Variants in PAK1 observed in about 807,000 individuals in gnomAD.
PAK1 encodes the protein p21 (RAC1) activated kinase 1.
In PAK1, 29 loss-of-function variants were observed where a neutral mutation model predicts 67.4. The ratio of observed to expected loss-of-function variants is 0.43; its 90% CI spans 0.32 to 0.59. The LOEUF (loss-of-function observed/expected upper bound fraction) is 0.59, where lower values mean the gene tolerates loss of function less well. Among genes scored for constraint, PAK1 ranks in the 20% least tolerant of loss-of-function variants. The pLI, the probability that PAK1 is intolerant of heterozygous loss-of-function variation, is 0.07. For missense variants in PAK1, 337 were observed against 670.7 expected (o/e 0.50, Z 5.50); for synonymous variants, 223 against 237.4 (o/e 0.94, Z 0.56).
intron 2 of PAK1, among the ~76,000 whole-genome samples, chr11:77,383,734 C>T (rs1950130764): frequency 6.6e-6 from 1 of 152,116 alleles, no homozygotes; most frequent in African/African-American, 2.4e-5. Flanking sequence ...CATACAGTCC[C>T]AGAGCCACCT....
chr11:77,323,319 A>G lies in PAK1; in HGVS notation c.1593T>C (p.Thr531=). The stretch of plus-strand genomic sequence containing the variant: ...CCTCCTTAGCTGCAGCAATCAGTGG[A>G]GTGAGGCTGGAGAGGGGCTTGGCAA... ...LKIAKPLSSL[T]PLIAAAKEAT... Residue 531 remains threonine, a synonymous_variant, in exon 15 of 15, where the codon ACT becomes ACC. Coordinates refer to ENST00000356341, the MANE Select transcript of PAK1 (RefSeq NM_002576.5). 1 of 1,613,932 alleles carries G rather than the reference A, an allele frequency of 6.2e-7. No homozygotes were observed. Among genetic ancestry groups the G allele is most frequent in the Non-Finnish European group, 8.5e-7 (1 of 1,179,856 alleles).
At chr11:77,323,424 CAAGACATA>C in intron 14 of PAK1, 64 bp from the exon 15 acceptor site, 1 of 1,106,756 alleles carries the variant, frequency 9.0e-7, no homozygotes, top group Non-Finnish European at 1.4e-6. Flanking sequence ...GTAACCATTA[CAAGACATA>C]AAGGCATCTT....
At chr11:77,395,452 A>G (rs187513587) in intron 1 of PAK1, among the ~76,000 whole-genome samples, 238 of 152,338 alleles carry the variant, frequency 1.6e-3, no homozygotes, top group African/African-American at 5.5e-3. Context: ...AGTTTAGTAC[A>G]GATAAAATTC....
chr11:77,493,275 G>GT, the PAK1 span, among the ~76,000 whole-genome samples: 437 of 127,998 alleles, frequency 3.4e-3, 13 homozygotes, highest in Middle Eastern at 0.012. Context: ...TTTTTTTGTT[G>GT]TTTTTTTTTT....
intron 1 of PAK1, among the ~76,000 whole-genome samples, chr11:77,472,593 T>G (rs937285516): frequency 4.6e-5 from 7 of 152,148 alleles, no homozygotes; most frequent in Non-Finnish European, 8.8e-5. Flanking sequence ...ACACAAGAAG[T>G]AGATGAAGCC....
the PAK1 span, among the ~76,000 whole-genome samples, chr11:77,520,145 C>A: frequency 6.6e-6 from 1 of 152,204 alleles, no homozygotes; most frequent in African/African-American, 2.4e-5. Flanking sequence ...TCTCCAGGAA[C>A]CCCTTTTTAT....
the PAK1 span, among the ~76,000 whole-genome samples, chr11:77,523,989 G>T: frequency 6.6e-6 from 1 of 152,056 alleles, no homozygotes; most frequent in African/African-American, 2.4e-5. Context: ...CAGAGAGAAA[G>T]GTTCTTTTAC....
chr11:77,470,175 T>C (rs1242785460), intron 1 of PAK1, among the ~76,000 whole-genome samples: 1 of 152,184 alleles, frequency 6.6e-6, no homozygotes, highest in African/African-American at 2.4e-5. Flanking sequence ...ATGTCTCAAA[T>C]TGGCAACTGC....
At chr11:77,464,670 C>CT (rs1957511883) in intron 1 of PAK1, among the ~76,000 whole-genome samples, 1 of 152,174 alleles carries the variant, frequency 6.6e-6, no homozygotes. Flanking sequence ...CACTGAAATA[C>CT]TTTAAGTCAA....
At chr11:77,501,012 G>T in the PAK1 span, among the ~76,000 whole-genome samples, 1 of 151,840 alleles carries the variant, frequency 6.6e-6, no homozygotes, top group South Asian at 2.1e-4. Flanking sequence ...TTAGCCGGGC[G>T]TGGTGGCAGG....
chr11:77,512,637 T>G, the PAK1 span, among the ~76,000 whole-genome samples: 1 of 152,302 alleles, frequency 6.6e-6, no homozygotes, highest in African/African-American at 2.4e-5. Context: ...CAACTTCTAG[T>G]TCATAGACGA....
At chr11:77,406,868 G>A (rs867477462) in intron 1 of PAK1, among the ~76,000 whole-genome samples, 1 of 152,142 alleles carries the variant, frequency 6.6e-6, no homozygotes, top group Non-Finnish European at 1.5e-5. Context: ...AGACTAATGG[G>A]AAAGGCAGAT....
At chr11:77,481,546 G>A in the PAK1 span, among the ~76,000 whole-genome samples, 3 of 151,892 alleles carry the variant, frequency 2.0e-5, no homozygotes, top group Non-Finnish European at 4.4e-5. Context: ...GTGGTAGCAT[G>A]TGCCTGTAGT....
chr11:77,377,168 A>C (rs1318884183), intron 4 of PAK1, among the ~76,000 whole-genome samples: 1 of 151,856 alleles, frequency 6.6e-6, no homozygotes, highest in Non-Finnish European at 1.5e-5. Context: ...CCAGTTACTC[A>C]GGAGGCTGAG....
At chr11:77,406,715 T>G (rs574997384) in intron 1 of PAK1, among the ~76,000 whole-genome samples, 1 of 152,166 alleles carries the variant, frequency 6.6e-6, no homozygotes, top group Non-Finnish European at 1.5e-5. Context: ...AGGTCAAGAC[T>G]GCAGTGAGTG....
At chr11:77,374,138 A>G (rs1948792900) in intron 5 of PAK1, among the ~76,000 whole-genome samples, 190 bp downstream of exon 5, 1 of 152,226 alleles carries the variant, frequency 6.6e-6, no homozygotes, top group Non-Finnish European at 1.5e-5. Flanking sequence ...TTTCTAGGAC[A>G]TTAAAGCTGA....
intron 1 of PAK1, among the ~76,000 whole-genome samples, chr11:77,428,390 C>T (rs956213347): frequency 3.3e-5 from 5 of 151,750 alleles, no homozygotes; most frequent in African/African-American, 7.3e-5. Context: ...GGTGAAACCC[C>T]GTTGCTACTA....
the PAK1 span, among the ~76,000 whole-genome samples, chr11:77,527,120 C>T: frequency 3.3e-5 from 5 of 152,046 alleles, no homozygotes; most frequent in Admixed American, 6.6e-5. Context: ...TTTATTCTTT[C>T]GAGACGGGTT....
chr11:77,474,850 C>T (rs1258777352), upstream of PAK1: 1 of 152,112 alleles, frequency 6.6e-6, no homozygotes, highest in African/African-American at 2.4e-5. Context: ...TTTCCCAATA[C>T]CTCCCGAGCA....
Sources: gnomAD v4.1 joint callset for allele counts (sites outside exome capture counted in the v4.1 genomes callset) on GRCh38, gnomAD v4.1.1 for gene constraint, MANE v1.5 for transcripts, NCBI Gene and HGNC (gene_info 2026-07-23, HGNC 2026-07-21) for gene names.